Variants in TTC28 observed in about 807,000 individuals in gnomAD.
The protein encoded by TTC28 is tetratricopeptide repeat protein 28.
Under a neutral mutation model 198.0 loss-of-function variants are expected in TTC28, and 61 were observed. That is an observed-to-expected ratio of 0.31 (90% CI 0.25 to 0.38). The LOEUF is 0.38. Ranked by LOEUF, TTC28 falls within the 10% of genes least tolerant of loss-of-function variation. TTC28 has a pLI of 1.00. For synonymous variants in TTC28, 1,171 were observed against 1,297.8 expected (o/e 0.90, Z 2.10); for missense variants, 2,678 against 3,164.0 (o/e 0.85, Z 3.69).
At chr22:28,187,914 G>C (rs1190498229) in intron 5 of TTC28, among the ~76,000 whole-genome samples, 1 of 152,222 alleles carries the variant, frequency 6.6e-6, no homozygotes, top group Admixed American at 6.5e-5. Flanking sequence ...GCAGAATCTA[G>C]ATTTACATTG....
chr22:28,013,105 T>C (rs1601516402), intron 14 of TTC28, among the ~76,000 whole-genome samples: 1 of 152,098 alleles, frequency 6.6e-6, no homozygotes, highest in Admixed American at 6.5e-5. Flanking sequence ...GCAGGGAAGG[T>C]ATAGGCATTT....
intron 15 of TTC28, 71 bp from the exon 16 acceptor site, chr22:27,999,331 GA>G (rs1378602194): frequency 3.4e-6 from 5 of 1,477,234 alleles, no homozygotes; most frequent in Non-Finnish European, 3.6e-6. Flanking sequence ...GTGGTCGGCC[GA>G]GCACAGGGAC....
intron 1 of TTC28, among the ~76,000 whole-genome samples, chr22:28,631,791 G>T (rs1013376975): frequency 6.6e-6 from 1 of 152,068 alleles, no homozygotes; most frequent in Non-Finnish European, 1.5e-5. Context: ...TTCCCAAACT[G>T]CTGGGACTAC....
At chr22:28,168,653 C>T (rs1922302361) in intron 5 of TTC28, among the ~76,000 whole-genome samples, 1 of 152,078 alleles carries the variant, frequency 6.6e-6, no homozygotes, top group African/African-American at 2.4e-5. Context: ...CTTCCTTACA[C>T]CTTATACAAA....
chr22:28,233,012 G>A (rs1012831456), intron 5 of TTC28, among the ~76,000 whole-genome samples: 1 of 151,792 alleles, frequency 6.6e-6, no homozygotes, highest in Non-Finnish European at 1.5e-5. Context: ...TGAGGCAGGA[G>A]AATCGCTTGA....
chr22:28,324,393 C>T (rs910792800), intron 2 of TTC28, among the ~76,000 whole-genome samples: 1 of 151,030 alleles, frequency 6.6e-6, no homozygotes, highest in African/African-American at 2.4e-5. Flanking sequence ...TTTATGAGGC[C>T]AGCATCATCC....
intron 2 of TTC28, among the ~76,000 whole-genome samples, chr22:28,349,224 G>A (rs1044074580): frequency 1.3e-5 from 2 of 152,044 alleles, no homozygotes; most frequent in African/African-American, 4.8e-5. Context: ...AAATGAAAAG[G>A]CCATGTAGCC....
intron 9 of TTC28, 84 bp from the exon 10 acceptor site, chr22:28,099,128 A>T: frequency 6.7e-7 from 1 of 1,496,904 alleles, no homozygotes; most frequent in Non-Finnish European, 9.0e-7. Flanking sequence ...TTTTGCTCAT[A>T]TCTTTGTGCA....
At chr22:28,644,740 C>T (rs1448217863) in intron 1 of TTC28, among the ~76,000 whole-genome samples, 1 of 150,028 alleles carries the variant, frequency 6.7e-6, no homozygotes, top group African/African-American at 2.4e-5. Context: ...GGAGGATTGC[C>T]TGAGCCCAGG....
chr22:28,271,821 T>A (rs1424890374), intron 5 of TTC28, among the ~76,000 whole-genome samples: 1 of 152,168 alleles, frequency 6.6e-6, no homozygotes, highest in African/African-American at 2.4e-5. Context: ...GCCAGGCTGG[T>A]CTCAAACTCC....
At chr22:28,567,277 T>G (rs970535520) in intron 2 of TTC28, among the ~76,000 whole-genome samples, 8 of 143,546 alleles carry the variant, frequency 5.6e-5, no homozygotes, top group African/African-American at 2.1e-4. Context: ...CAATCCCAGC[T>G]ACTCAGGAGG....
At chr22:28,403,229 C>T (rs1261411098) in intron 2 of TTC28, among the ~76,000 whole-genome samples, 2 of 152,130 alleles carry the variant, frequency 1.3e-5, no homozygotes, top group Admixed American at 1.3e-4. Context: ...CTATTGTAAC[C>T]AGCGCTAGAG....
chr22:28,438,300 C>A (rs2047555235), intron 2 of TTC28, among the ~76,000 whole-genome samples: 1 of 152,132 alleles, frequency 6.6e-6, no homozygotes, highest in African/African-American at 2.4e-5. Context: ...ATAGAGAAAG[C>A]ATAGGGACTT....
intron 1 of TTC28, among the ~76,000 whole-genome samples, chr22:28,674,021 G>A (rs2145715495): frequency 6.6e-6 from 1 of 152,088 alleles, no homozygotes; most frequent in African/African-American, 2.4e-5. Flanking sequence ...CACAAAACAA[G>A]AATCATAGAG....
chr22:28,115,862 G>A (rs1657175601), intron 6 of TTC28, among the ~76,000 whole-genome samples: 1 of 152,130 alleles, frequency 6.6e-6, no homozygotes, highest in African/African-American at 2.4e-5. Flanking sequence ...CTTCCCTTCT[G>A]TTTCAACTCT....
At chr22:28,484,175 A>C (rs1265969412) in intron 2 of TTC28, among the ~76,000 whole-genome samples, 4 of 152,092 alleles carry the variant, frequency 2.6e-5, no homozygotes, top group Non-Finnish European at 5.9e-5. Flanking sequence ...CCCAGGCTGA[A>C]TGCCGTGGTG....
intron 2 of TTC28, among the ~76,000 whole-genome samples, chr22:28,584,590 TAA>T (rs1175858396): frequency 1.3e-5 from 2 of 152,240 alleles, no homozygotes; most frequent in African/African-American, 4.8e-5. Context: ...CTAGTGTAAC[TAA>T]GAGACTGTTT....
At chr22:28,312,242 T>G (rs934426692) in intron 2 of TTC28, among the ~76,000 whole-genome samples, 105 of 152,202 alleles carry the variant, frequency 6.9e-4, no homozygotes, top group African/African-American at 2.4e-3. Context: ...ACAAAGAGAC[T>G]TAGACTCCCA....
At chr22:28,308,000 G>C (rs1165330750) in intron 2 of TTC28, among the ~76,000 whole-genome samples, 1 of 152,064 alleles carries the variant, frequency 6.6e-6, no homozygotes. Context: ...ATGACTATTT[G>C]AGGTAATTTA....
Sources: gnomAD v4.1 joint callset for allele counts (sites outside exome capture counted in the v4.1 genomes callset) on GRCh38, gnomAD v4.1.1 for gene constraint, MANE v1.5 for transcripts, NCBI Gene and HGNC (gene_info 2026-07-23, HGNC 2026-07-21) for gene names.